CTXND2: variants seen among roughly 807,000 people sequenced by gnomAD.
The protein encoded by CTXND2 is cortexin domain containing 2.
intron 1 of CTXND2, among the ~76,000 whole-genome samples, chr1:150,889,292 C>T (rs1243355642): frequency 2.0e-5 from 3 of 148,172 alleles, no homozygotes; most frequent in Non-Finnish European, 3.0e-5. Context: ...CCCAGCTACT[C>T]GGGAGGCTGA....
chr1:150,904,217 T>C lies in CTXND2; in HGVS notation c.-73-8025T>C, dbSNP rs587687545. 98 of 609,298 alleles carry C rather than the reference T, an allele frequency of 1.6e-4. 1 individual carries two copies. The highest frequency in any genetic ancestry group is 2.4e-5 in the Non-Finnish European group (8 of 328,866). 37.7% of individuals were successfully genotyped at this position (609,298 alleles called of 1,614,324 possible). ...CAAAAAAGCTACTAATGAGTAATAA[T>C]TGGCCACTGCCTTATTTATTACAAA... On this transcript the variant is annotated intron_variant, in intron 1 of 1. Transcript: ENST00000636087.
chr1:150,909,957 T>A (rs995853493), intron 1 of CTXND2, among the ~76,000 whole-genome samples: 12 of 152,020 alleles, frequency 7.9e-5, no homozygotes, highest in African/African-American at 2.9e-4. Flanking sequence ...CAATGAGGGG[T>A]CTTGCACTTC....
intron 1 of CTXND2, among the ~76,000 whole-genome samples, chr1:150,909,086 A>G (rs1464017372): frequency 2.0e-5 from 3 of 150,866 alleles, no homozygotes; most frequent in Non-Finnish European, 4.4e-5. Context: ...TAAAAATACA[A>G]AACGTAGCCG....
intron 1 of CTXND2, among the ~76,000 whole-genome samples, chr1:150,908,623 T>C (rs1354689071): frequency 6.6e-6 from 1 of 152,044 alleles, no homozygotes; most frequent in East Asian, 1.9e-4. Flanking sequence ...GTCTTTTCAT[T>C]GTTTCGTTGT....
At chr1:150,912,499 G>C (rs1317077988) in exon 2 of CTXND2, 3 of 398,372 alleles carry the variant, frequency 7.5e-6, no homozygotes, top group Non-Finnish European at 1.3e-5. Context: ...ATAAAACCTG[G>C]TAGACTCCCC....
chr1:150,906,839 G>T (rs1250935309), intron 1 of CTXND2, among the ~76,000 whole-genome samples: 1 of 152,170 alleles, frequency 6.6e-6, no homozygotes, highest in African/African-American at 2.4e-5. Flanking sequence ...GATATCCAAC[G>T]TGAGTTTAGG....
chr1:150,897,274 C>A (rs1479545689), intron 1 of CTXND2, among the ~76,000 whole-genome samples: 1 of 152,046 alleles, frequency 6.6e-6, no homozygotes, highest in Non-Finnish European at 1.5e-5. Context: ...CATTTGATGG[C>A]CTGGAGTACA....
chr1:150,901,117 AAC>A (rs1430403789), intron 1 of CTXND2, among the ~76,000 whole-genome samples: 1 of 152,338 alleles, frequency 6.6e-6, no homozygotes, highest in Non-Finnish European at 1.5e-5. Flanking sequence ...GTCTCAGAAA[AAC>A]ACAAACAGAA....
chr1:150,893,975 C>A (rs1312986032), intron 1 of CTXND2, among the ~76,000 whole-genome samples: 1 of 129,464 alleles, frequency 7.7e-6, no homozygotes, highest in African/African-American at 2.7e-5. Context: ...ATATTAGTAT[C>A]TTTTTTTTCT....
At chr1:150,911,715 G>A (rs757397621) in intron 1 of CTXND2, among the ~76,000 whole-genome samples, 68 of 152,294 alleles carry the variant, frequency 4.5e-4, no homozygotes, top group Admixed American at 1.1e-3. Flanking sequence ...TTACAGGCGT[G>A]AGCCACCATG....
At chr1:150,907,069 C>T (rs925404690) in intron 1 of CTXND2, among the ~76,000 whole-genome samples, 1 of 152,166 alleles carries the variant, frequency 6.6e-6, no homozygotes, top group African/African-American at 2.4e-5. Flanking sequence ...CTTCCTGATC[C>T]TGTACAATGC....
chr1:150,909,007 A>AG (rs587677027), intron 1 of CTXND2, among the ~76,000 whole-genome samples: 2 of 151,332 alleles, frequency 1.3e-5, no homozygotes, highest in Admixed American at 6.6e-5. Context: ...TGGGAGGCCA[A>AG]GGGGGGCAGA....
At chr1:150,898,273 TCTC>T (rs1668936720) in intron 1 of CTXND2, among the ~76,000 whole-genome samples, 2 of 151,994 alleles carry the variant, frequency 1.3e-5, no homozygotes, top group Admixed American at 6.6e-5. Context: ...TCAGAGTCAA[TCTC>T]CTTCTTCCCA....
chr1:150,905,396 T>A (rs937035661), intron 1 of CTXND2, among the ~76,000 whole-genome samples: 2 of 151,642 alleles, frequency 1.3e-5, no homozygotes, highest in African/African-American at 4.8e-5. Context: ...CCCCCCAACC[T>A]CGGCCTCCCA....
intron 1 of CTXND2, among the ~76,000 whole-genome samples, chr1:150,901,360 G>C (rs1232438809): frequency 6.6e-6 from 1 of 152,116 alleles, no homozygotes; most frequent in Non-Finnish European, 1.5e-5. Flanking sequence ...ATCTGTATCA[G>C]AATCCCATCT....
chr1:150,906,319 C>A (rs1022359446), intron 1 of CTXND2, among the ~76,000 whole-genome samples: 1 of 151,922 alleles, frequency 6.6e-6, no homozygotes, highest in African/African-American at 2.4e-5. Context: ...ACAACAACAA[C>A]AAAAAGAATG....
At chr1:150,896,678 A>G (rs891472782) in intron 1 of CTXND2, among the ~76,000 whole-genome samples, 1 of 152,214 alleles carries the variant, frequency 6.6e-6, no homozygotes, top group Admixed American at 6.5e-5. Context: ...TGCCAACACC[A>G]TATCTCAAAG....
intron 1 of CTXND2, among the ~76,000 whole-genome samples, chr1:150,901,984 G>A (rs1669046050): frequency 6.6e-6 from 1 of 151,922 alleles, no homozygotes; most frequent in South Asian, 2.1e-4. Flanking sequence ...TAATGCTAGA[G>A]GCTGAGCACA....
At position 150,902,578 on chromosome 1, in the gene CTXND2, GAGGT is replaced by G. The variant is rs1249054531; in HGVS notation, c.-73-9656_-73-9653del. Among the ~76,000 whole-genome samples, 3 of 152,022 alleles carry G rather than the reference GAGGT, an allele frequency of 2.0e-5. 1 individual carries two copies. The highest frequency in any genetic ancestry group is 7.2e-5 in the African/African-American group (3 of 41,418). ...AATGAATGAGATTCATCACCTATAG[GAGGT>G]AGGTAGGAATGGGTGGCAAGGATGA... On this transcript the variant is annotated intron_variant, in intron 1 of 1. Transcript: ENST00000636087.
Sources: allele counts gnomAD v4.1 joint callset (sites outside exome capture counted in the v4.1 genomes callset), GRCh38; gene constraint gnomAD v4.1.1; transcripts MANE v1.5; gene names NCBI Gene and HGNC (gene_info 2026-07-23, HGNC 2026-07-21).